CAMK2B: variants seen among roughly 807,000 people sequenced by gnomAD.
CAMK2B encodes calcium/calmodulin-dependent protein kinase type II subunit beta.
In CAMK2B, 27 loss-of-function variants were observed where a neutral mutation model predicts 93.7. The observed-to-expected ratio is 0.29, with a 90% CI of 0.21 to 0.40. CAMK2B has a LOEUF of 0.40. CAMK2B is among the 10% of genes least tolerant of loss of function. The pLI, the probability that CAMK2B is intolerant of heterozygous loss-of-function variation, is 1.00. For synonymous variants in CAMK2B, 374 were observed against 358.8 expected, an observed-to-expected ratio of 1.04 and a Z score of -0.48; for missense variants, 568 against 895.8, an observed-to-expected ratio of 0.63 and a Z score of 4.67.
At chr7:44,231,297 T>G (rs1393136323) in intron 16 of CAMK2B, among the ~76,000 whole-genome samples, 1 of 152,182 alleles carries the variant, frequency 6.6e-6, no homozygotes, top group East Asian at 1.9e-4. Flanking sequence ...CCCAGTTCTG[T>G]GCTGGTCCCT....
At chr7:44,269,923 G>A (rs1446752624) in intron 2 of CAMK2B, among the ~76,000 whole-genome samples, 1 of 152,146 alleles carries the variant, frequency 6.6e-6, no homozygotes, top group Non-Finnish European at 1.5e-5. Context: ...TGCCCACCAC[G>A]TGGCCTGGGA....
At chr7:44,245,084 G>C (rs2096717594) in intron 6 of CAMK2B, 1 of 408,332 alleles carries the variant, frequency 2.4e-6, no homozygotes, top group Admixed American at 2.7e-5. Context: ...GAGCAGACTT[G>C]CTGCATGTCC....
chr7:44,253,441 G>C (rs920284134), intron 5 of CAMK2B, among the ~76,000 whole-genome samples: 2 of 152,162 alleles, frequency 1.3e-5, no homozygotes, highest in African/African-American at 4.8e-5. Context: ...TGGAACTCCC[G>C]ACCTCAGGTG....
chr7:44,255,635 T>C (rs1238703690), intron 4 of CAMK2B, among the ~76,000 whole-genome samples: 1 of 152,170 alleles, frequency 6.6e-6, no homozygotes, highest in East Asian at 1.9e-4. Context: ...GGCTTCTCTA[T>C]CTGCCTGGCA....
At chr7:44,277,454 G>A (rs2129076769) in intron 2 of CAMK2B, among the ~76,000 whole-genome samples, 1 of 152,318 alleles carries the variant, frequency 6.6e-6, no homozygotes, top group African/African-American at 2.4e-5. Context: ...GGGGGCCTGA[G>A]TGTTTCTGGA....
At position 44,311,934 on chromosome 7, in the gene CAMK2B, C is replaced by T. The variant is rs73317784; in HGVS notation, c.65+13423G>A. Among the ~76,000 whole-genome samples, 2,614 of 152,294 alleles carry T rather than the reference C, an allele frequency of 0.017. 76 individuals are homozygous for T. Among genetic ancestry groups the T allele is most frequent in the African/African-American group, 0.059 (2,468 of 41,548 alleles). Reference sequence around the variant, plus strand: ...CCTTCTCCTGCCCAGGGTCATACAACGGGGCCCAAATGAGGCACAGGCCCA... The same window carrying T: ...CCTTCTCCTGCCCAGGGTCATACAATGGGGCCCAAATGAGGCACAGGCCCA... On this transcript the variant is annotated intron_variant, in intron 1 of 23. Transcript: ENST00000395749. The surrounding 1 kb of genome is among the most constrained non-coding windows in gnomAD (Gnocchi z 4.2).
At chr7:44,278,954 A>G (rs1448825786) in intron 2 of CAMK2B, among the ~76,000 whole-genome samples, 2 of 152,176 alleles carry the variant, frequency 1.3e-5, no homozygotes, top group Admixed American at 1.3e-4. Context: ...TGAACTGCAC[A>G]CCTCAGGGAT....
At chr7:44,255,900 A>T (rs1305819282) in intron 4 of CAMK2B, among the ~76,000 whole-genome samples, 1 of 152,348 alleles carries the variant, frequency 6.6e-6, no homozygotes, top group East Asian at 1.9e-4. Flanking sequence ...TCCTTCGAGC[A>T]ATGTGAGGGT....
At chr7:44,238,343 C>T (rs879834655) in intron 13 of CAMK2B, among the ~76,000 whole-genome samples, 7 of 152,218 alleles carry the variant, frequency 4.6e-5, no homozygotes, top group African/African-American at 1.2e-4. Flanking sequence ...GCGGGAGCCC[C>T]GGGCACAGGG....
chr7:44,242,745 T>C, intron 8 of CAMK2B, 91 bp from the exon 9 acceptor site: 1 of 909,692 alleles, frequency 1.1e-6, no homozygotes, highest in Admixed American at 2.1e-5. Flanking sequence ...CTAGCTCCTG[T>C]GGCCCTGGGA....
chr7:44,276,401 G>A (rs898537695), intron 2 of CAMK2B, among the ~76,000 whole-genome samples: 3 of 152,190 alleles, frequency 2.0e-5, no homozygotes, highest in African/African-American at 2.4e-5. Context: ...AGTACCGGCT[G>A]CAGTAGGAAA....
At chr7:44,261,463 G>T (rs2129034720) in intron 3 of CAMK2B, among the ~76,000 whole-genome samples, 1 of 152,316 alleles carries the variant, frequency 6.6e-6, no homozygotes, top group African/African-American at 2.4e-5. Flanking sequence ...GGTGGGGGCT[G>T]CCCCTGCCCT....
rs529423012 is a variant in CAMK2B at position 44,265,037 on chromosome 7, A to G, written c.161-1973T>C. Among the ~76,000 whole-genome samples, 351 of 152,256 alleles carry G rather than the reference A, an allele frequency of 2.3e-3. No individual in the cohort carries two copies. In the Middle Eastern group the frequency reaches 0.024, roughly 10 times the overall value. On this transcript the variant is annotated intron_variant, in intron 2 of 23. Coordinates refer to ENST00000395749, the MANE Select transcript of CAMK2B (RefSeq NM_001220.5). ...AGGAGGGAGGCTCTCAGGGTGCAGG[A>G]CGGTGAGTTCACGGGGTTATTGTTT...
intron 1 of CAMK2B, among the ~76,000 whole-genome samples, chr7:44,313,034 G>C (rs1326473863): frequency 6.6e-6 from 1 of 152,120 alleles, no homozygotes; most frequent in East Asian, 1.9e-4. Context: ...GGAGACAGCA[G>C]GACCCTCGGG....
rs1272137903 is a variant in CAMK2B, at chr7:44,220,601, G to C, written c.1768+15C>G. On this transcript the variant is annotated intron_variant, in intron 22 of 23. Transcript: ENST00000395749. ...GGCACCGCCCCCTCATGCCCACCCG[G>C]GCTTCCTCACTCACGGTTCTCGAAG... is the stretch of plus-strand genomic sequence containing the variant. The C allele has an allele frequency of 6.2e-7, 1 of 1,607,758 alleles. No homozygotes were observed. Among genetic ancestry groups the C allele is most frequent in the African/African-American group, 1.3e-5 (1 of 74,808 alleles).
Position 44,288,824 on chromosome 7 carries a change from C to G in CAMK2B, c.66-4599G>C, listed in dbSNP as rs568095917. 3.9e-5 allele frequency among the ~76,000 whole-genome samples: 6 copies of G among 152,226 alleles called. No individual in the cohort carries two copies. The South Asian group carries it at 1.2e-3, about 32-fold the overall frequency. ...TACGACTGCACCTGCTCGGGCACCT[C>G]CTTCATTGCAGGGGGGCTCAGGCTT... On this transcript the variant is annotated intron_variant, in intron 1 of 23. Coordinates refer to ENST00000395749, the MANE Select transcript of CAMK2B (RefSeq NM_001220.5).
At chr7:44,266,611 A>G (rs1457644084) in intron 2 of CAMK2B, among the ~76,000 whole-genome samples, 1 of 152,204 alleles carries the variant, frequency 6.6e-6, no homozygotes, top group Non-Finnish European at 1.5e-5. Flanking sequence ...AGGAGACCAG[A>G]GCAGTGGCCA....
At chr7:44,253,845 G>A (rs1229624563) in intron 5 of CAMK2B, among the ~76,000 whole-genome samples, 1 of 150,264 alleles carries the variant, frequency 6.7e-6, no homozygotes, top group Non-Finnish European at 1.5e-5. Flanking sequence ...CAATCCTCCT[G>A]TCTTGGCCTC....
intron 5 of CAMK2B, among the ~76,000 whole-genome samples, chr7:44,250,915 T>G (rs1296396808): frequency 1.3e-5 from 2 of 152,204 alleles, no homozygotes; most frequent in African/African-American, 4.8e-5. Flanking sequence ...ATGGACACCC[T>G]TCAGTTTCCC....
Sources: gnomAD v4.1 joint callset for allele counts (sites outside exome capture counted in the v4.1 genomes callset) on GRCh38, gnomAD v4.1.1 for gene constraint, Gnocchi (gnomAD v3.1) non-coding constraint, MANE v1.5 for transcripts, NCBI Gene and HGNC (gene_info 2026-07-23, HGNC 2026-07-21) for gene names.